Variants in INPP4A observed in about 807,000 individuals in gnomAD.
The protein encoded by INPP4A is inositol polyphosphate-4-phosphatase, type I, 107kD.
INPP4A carries 33 observed loss-of-function variants against 119.8 expected under a neutral mutation model. The ratio of observed to expected loss-of-function variants is 0.28; its 90% CI spans 0.21 to 0.37. INPP4A has a LOEUF of 0.37. Ranked by LOEUF, INPP4A falls within the 10% of genes least tolerant of loss-of-function variation. INPP4A has a pLI of 1.00. For missense variants in INPP4A, 956 were observed against 1,289.9 expected (o/e 0.74, Z 3.97); for synonymous variants, 496 against 500.7 (o/e 0.99, Z 0.12).
intron 4 of INPP4A, among the ~76,000 whole-genome samples, chr2:98,529,089 A>G (rs1345649922): frequency 6.6e-6 from 1 of 152,074 alleles, no homozygotes; most frequent in African/African-American, 2.4e-5. Context: ...AAAAAAAAAA[A>G]AAAAAATTTC....
At chr2:98,469,918 C>T (rs762776368) in intron 1 of INPP4A, among the ~76,000 whole-genome samples, 86 of 152,166 alleles carry the variant, frequency 5.7e-4, no homozygotes, top group Admixed American at 2.7e-3. Context: ...AGCCTCAGTC[C>T]CCTCCTTCTC....
chr2:98,573,590 G>A (rs764527875), intron 23 of INPP4A, among the ~76,000 whole-genome samples: 4 of 152,150 alleles, frequency 2.6e-5, no homozygotes, highest in African/African-American at 4.8e-5. Context: ...GCACTGCACT[G>A]CCCACCACAC....
intron 1 of INPP4A, among the ~76,000 whole-genome samples, chr2:98,500,090 A>C (rs1258231956): frequency 6.6e-6 from 1 of 152,004 alleles, no homozygotes; most frequent in Non-Finnish European, 1.5e-5. Flanking sequence ...CCTAACTCCT[A>C]CCTTTTTAAG....
chr2:98,473,882 A>G (rs966471142), intron 1 of INPP4A, among the ~76,000 whole-genome samples: 1 of 152,214 alleles, frequency 6.6e-6, no homozygotes, highest in Admixed American at 6.5e-5. Flanking sequence ...AGGGCATTAC[A>G]TATCTCACAT....
chr2:98,447,631 A>G (rs576412227), intron 1 of INPP4A, among the ~76,000 whole-genome samples: 64 of 152,220 alleles, frequency 4.2e-4, no homozygotes, highest in African/African-American at 1.5e-3. Context: ...GATTCTCCAA[A>G]TGTGGACATT....
chr2:98,526,500 G>T (rs1688206215), intron 4 of INPP4A, among the ~76,000 whole-genome samples: 1 of 152,056 alleles, frequency 6.6e-6, no homozygotes, highest in South Asian at 2.1e-4. Context: ...AATGATGAGG[G>T]CATATATGGC....
chr2:98,459,164 C>T (rs1005644319), intron 1 of INPP4A, among the ~76,000 whole-genome samples: 1 of 152,194 alleles, frequency 6.6e-6, no homozygotes, highest in Non-Finnish European at 1.5e-5. Context: ...TCTGGACTGG[C>T]CCAGGAGTGG....
At chr2:98,513,175 C>G (rs1685457776) in intron 1 of INPP4A, among the ~76,000 whole-genome samples, 1 of 152,084 alleles carries the variant, frequency 6.6e-6, no homozygotes, top group Non-Finnish European at 1.5e-5. Context: ...GGCCCAACTC[C>G]TCCTGCATCG....
Position 98,564,642 on chromosome 2 carries a change from G to A in INPP4A, c.2031G>A (p.Leu677=). 6.2e-7 allele frequency: 1 copy of A among 1,613,290 alleles called. No homozygotes were observed. The highest frequency in any genetic ancestry group is 2.2e-5 in the East Asian group (1 of 44,874). Residue 677 remains leucine (L), a splice_region_variant and synonymous_variant, in exon 19 of 25, where the codon CTG becomes CTA. Transcript: ENST00000409851. ...YRRDVVFCQT[L]TALICGFIIK... ...CTCTTCACCCCACGCTCCCACAGCT[G>A]ACCGCCCTCATCTGCGGCTTCATCA...
chr2:98,559,328 C>T (rs1559074772), intron 16 of INPP4A, 135 bp from the exon 17 acceptor site: 9 of 928,690 alleles, frequency 9.7e-6, no homozygotes, highest in Non-Finnish European at 1.5e-5. Flanking sequence ...GGCAGCCAGG[C>T]ACCCAGACCT....
intron 1 of INPP4A, among the ~76,000 whole-genome samples, chr2:98,461,785 C>T (rs1697202105): frequency 6.6e-6 from 1 of 152,232 alleles, no homozygotes; most frequent in Non-Finnish European, 1.5e-5. Flanking sequence ...CTGTGTGCCT[C>T]TTCTGACGGT....
intron 5 of INPP4A, among the ~76,000 whole-genome samples, chr2:98,534,834 G>C (rs1359446195): frequency 1.3e-5 from 2 of 152,224 alleles, no homozygotes; most frequent in Admixed American, 6.5e-5. Flanking sequence ...GTATGACAGA[G>C]ACTTTGAAGG....
chr2:98,535,566 G>T (rs537381189), intron 5 of INPP4A, among the ~76,000 whole-genome samples, 163 bp from the exon 6 acceptor site: 1 of 152,010 alleles, frequency 6.6e-6, no homozygotes, highest in Non-Finnish European at 1.5e-5. Flanking sequence ...GAGTTTTTTT[G>T]TTTGTTTGTT....
intron 24 of INPP4A, among the ~76,000 whole-genome samples, chr2:98,585,627 C>T (rs1046712025): frequency 9.2e-5 from 14 of 152,330 alleles, no homozygotes; most frequent in South Asian, 8.3e-4. Context: ...CCAGCTCGTC[C>T]GCACAGGCAG....
At chr2:98,553,588 C>T (rs558397475) in intron 14 of INPP4A, among the ~76,000 whole-genome samples, 3 of 152,224 alleles carry the variant, frequency 2.0e-5, no homozygotes, top group African/African-American at 7.2e-5. Flanking sequence ...CACACACACA[C>T]ACCCCAGATT....
At chr2:98,584,285 C>T (rs1699700564) in intron 24 of INPP4A, among the ~76,000 whole-genome samples, 1 of 152,242 alleles carries the variant, frequency 6.6e-6, no homozygotes, top group Non-Finnish European at 1.5e-5. Context: ...TCATTCAGTT[C>T]CCATTACACA....
chr2:98,564,173 C>G (rs902271433), intron 18 of INPP4A, among the ~76,000 whole-genome samples: 3 of 152,092 alleles, frequency 2.0e-5, no homozygotes, highest in Admixed American at 6.5e-5. Flanking sequence ...TCTACAGGTT[C>G]CCTCACCCAT....
At chr2:98,463,805 G>C (rs1362604621) in intron 1 of INPP4A, among the ~76,000 whole-genome samples, 1 of 152,226 alleles carries the variant, frequency 6.6e-6, no homozygotes, top group Non-Finnish European at 1.5e-5. Flanking sequence ...GGTCTGGTAG[G>C]TGTGAGCTGT....
rs1309267581 is a variant in INPP4A, at chr2:98,588,085, T to C, written c.*477T>C. The C allele has an allele frequency of 4.7e-6, 1 of 213,024 alleles. No homozygotes were observed. Among genetic ancestry groups the C allele is most frequent in the Non-Finnish European group, 9.5e-6 (1 of 105,490 alleles). 13.2% of individuals were successfully genotyped at this position (213,024 alleles called of 1,614,324 possible). A position where few individuals can be genotyped will look rare whatever the true frequency, so the allele number is the denominator to read the frequency against. ...ATCCTAGGCATACCAATAAATGTTA[T>C]TTGGGGAAAGAAGCTAGCACTATCT... On this transcript the variant is annotated 3_prime_UTR_variant, in exon 25 of 25. Transcript: ENST00000409851.
Sources: gnomAD v4.1 joint callset for allele counts (sites outside exome capture counted in the v4.1 genomes callset) on GRCh38, gnomAD v4.1.1 for gene constraint, MANE v1.5 for transcripts, NCBI Gene and HGNC (gene_info 2026-07-23, HGNC 2026-07-21) for gene names.